Variants in SUSD1 observed in about 807,000 individuals in gnomAD.
SUSD1 encodes the protein sushi domain containing 1.
Under a neutral mutation model 86.9 loss-of-function variants are expected in SUSD1, and 65 were observed. That is an observed-to-expected ratio of 0.75 (90% confidence interval 0.61 to 0.92). The LOEUF is 0.92. Among genes scored for constraint, SUSD1 ranks in the 40% least tolerant of loss-of-function variants. The pLI, the probability that SUSD1 is intolerant of heterozygous loss-of-function variation, is 0.00. For missense variants in SUSD1, 850 were observed against 929.7 expected, an observed-to-expected ratio of 0.91 and a Z score of 1.11; for synonymous variants, 346 against 350.0, an observed-to-expected ratio of 0.99 and a Z score of 0.13.
chr9:112,138,266 CAT>C (rs144187888), intron 5 of SUSD1, among the ~76,000 whole-genome samples: 20 of 62,850 alleles, frequency 3.2e-4, no homozygotes, highest in African/African-American at 1.1e-3. Flanking sequence ...TGTGTATATA[CAT>C]ATATATATAT....
At chr9:112,051,920 C>A (rs1386725576) in intron 15 of SUSD1, among the ~76,000 whole-genome samples, 2 of 152,130 alleles carry the variant, frequency 1.3e-5, no homozygotes, top group Non-Finnish European at 2.9e-5. Flanking sequence ...CCAAGGGAGG[C>A]CAATCATCCT....
chr9:112,143,798 T>C (rs945350288), intron 3 of SUSD1, among the ~76,000 whole-genome samples, 175 bp from the exon 4 acceptor site: 1 of 152,238 alleles, frequency 6.6e-6, no homozygotes, highest in African/African-American at 2.4e-5. Flanking sequence ...TCTTCTCATA[T>C]ATCGTTCATA....
chr9:112,101,561 C>A (rs2131617004), intron 9 of SUSD1, among the ~76,000 whole-genome samples: 1 of 151,918 alleles, frequency 6.6e-6, no homozygotes, highest in Non-Finnish European at 1.5e-5. Context: ...AAATTCCATG[C>A]CCAGCTGGGC....
At position 112,143,521 on chromosome 9, in the gene SUSD1, C is replaced by A. The variant is rs2131761421; in HGVS notation, c.476G>T (p.Arg159Met). The A allele has an allele frequency of 6.2e-7, 1 of 1,614,106 alleles. No homozygotes were observed. The highest frequency in any genetic ancestry group is 1.7e-5 in the Admixed American group (1 of 60,012). The change falls in exon 4 of 17, where the codon AGG becomes ATG. Residue 159 changes from arginine (R) to methionine (M), a missense_variant. Arg to Met is a moderately conservative substitution (Grantham distance 91). Transcript: ENST00000374270. ...ECYCMDGYLP[R>M]NGPEPFHPTT... ...CGGGTGGAAAGGTTCAGGTCCATTC[C>A]TTGGCAAGTATCCATCCATACAGTA...
intron 12 of SUSD1, 71 bp downstream of exon 12, chr9:112,078,467 C>T: frequency 2.1e-6 from 3 of 1,413,058 alleles, no homozygotes; most frequent in South Asian, 1.3e-5. Context: ...CAACAGTGTT[C>T]CTCTTTATCA....
intron 1 of SUSD1, among the ~76,000 whole-genome samples, chr9:112,163,736 C>T (rs368243721): frequency 2.4e-4 from 37 of 152,316 alleles, no homozygotes; most frequent in East Asian, 1.5e-3. Flanking sequence ...TGGTGGCTCA[C>T]GCCTGTAATC....
intron 10 of SUSD1, among the ~76,000 whole-genome samples, chr9:112,089,109 A>G (rs1461385178): frequency 6.6e-6 from 1 of 152,200 alleles, no homozygotes; most frequent in Admixed American, 6.6e-5. Flanking sequence ...CCTGTCTTAA[A>G]AACAAACAAA....
chr9:112,078,775 G>C lies in SUSD1; in HGVS notation c.1567-51C>G, dbSNP rs756981644. 1.0e-5 allele frequency: 15 copies of C among 1,435,500 alleles called. No individual in the cohort carries two copies. The African/African-American group carries it at 2.2e-4, about 21-fold the overall frequency. 88.9% of individuals were successfully genotyped at this position (1,435,500 alleles called of 1,614,324 possible). ...TGAATGGTTGGCCTAAAAGGCTTTA[G>C]ATGCCTTGAAACCTCCCCTTTTCCT... On this transcript the variant is annotated intron_variant, in intron 11 of 16. Transcript: ENST00000374270.
intron 12 of SUSD1, among the ~76,000 whole-genome samples, chr9:112,064,488 C>A (rs945521671): frequency 1.3e-4 from 20 of 152,234 alleles, no homozygotes; most frequent in African/African-American, 4.8e-4. Context: ...CAGTCCCTGG[C>A]ACCAACAAGG....
intron 12 of SUSD1, among the ~76,000 whole-genome samples, chr9:112,063,293 G>T (rs904824969): frequency 6.6e-6 from 1 of 152,170 alleles, no homozygotes; most frequent in African/African-American, 2.4e-5. Context: ...TGGGGGTGGA[G>T]GGGGCATGTA....
chr9:112,154,550 G>A (rs1433978999), intron 2 of SUSD1, among the ~76,000 whole-genome samples: 1 of 151,970 alleles, frequency 6.6e-6, no homozygotes, highest in African/African-American at 2.4e-5. Flanking sequence ...TATCTTTGGG[G>A]AGATCTGCAT....
intron 3 of SUSD1, among the ~76,000 whole-genome samples, chr9:112,148,671 C>T (rs548595461): frequency 2.6e-5 from 4 of 152,134 alleles, no homozygotes; most frequent in Non-Finnish European, 4.4e-5. Flanking sequence ...TTTGGGAGGC[C>T]GAGGCGGGCA....
intron 16 of SUSD1, 31 bp downstream of exon 16, chr9:112,041,836 G>C: frequency 6.3e-7 from 1 of 1,599,112 alleles, no homozygotes; most frequent in South Asian, 1.1e-5. Context: ...CTCCATTCCA[G>C]TCATTTCTCA....
chr9:112,141,755 T>C (rs1832580408), intron 5 of SUSD1, among the ~76,000 whole-genome samples: 1 of 146,130 alleles, frequency 6.8e-6, no homozygotes, highest in African/African-American at 2.5e-5. Context: ...ACATGTAATA[T>C]ATAATATATA....
chr9:112,070,076 G>A (rs573174967), intron 12 of SUSD1, among the ~76,000 whole-genome samples: 5 of 152,274 alleles, frequency 3.3e-5, no homozygotes, highest in African/African-American at 4.8e-5. Flanking sequence ...TGTGATCTCA[G>A]CTCACTGCAG....
chr9:112,117,134 T>C (rs1224594887), intron 6 of SUSD1, among the ~76,000 whole-genome samples: 1 of 152,188 alleles, frequency 6.6e-6, no homozygotes, highest in Non-Finnish European at 1.5e-5. Flanking sequence ...AACAAGACTC[T>C]GTCCCTAAAA....
intron 5 of SUSD1, among the ~76,000 whole-genome samples, chr9:112,126,242 G>T (rs1244114918): frequency 1.3e-5 from 2 of 152,204 alleles, no homozygotes; most frequent in African/African-American, 2.4e-5. Context: ...GAGGTTGGAG[G>T]TATAGATTCA....
intron 15 of SUSD1, among the ~76,000 whole-genome samples, chr9:112,045,235 C>A (rs1182604903): frequency 6.6e-6 from 1 of 152,092 alleles, no homozygotes; most frequent in Non-Finnish European, 1.5e-5. Flanking sequence ...TCCGATCTAC[C>A]CAGTATTCCT....
At chr9:112,060,576 C>T (rs1354488860) in intron 13 of SUSD1, among the ~76,000 whole-genome samples, 3 of 152,222 alleles carry the variant, frequency 2.0e-5, no homozygotes, top group Non-Finnish European at 4.4e-5. Context: ...GGATTACAGG[C>T]GTAAGCCACT....
Sources: gnomAD v4.1 joint callset for allele counts (sites outside exome capture counted in the v4.1 genomes callset) on GRCh38, gnomAD v4.1.1 for gene constraint, MANE v1.5 for transcripts, NCBI Gene and HGNC (gene_info 2026-07-23, HGNC 2026-07-21) for gene names.